Variants in KIF1B observed in about 807,000 individuals in gnomAD.
KIF1B encodes the protein kinesin-like protein KIF1B.
In KIF1B, 76 loss-of-function variants were observed where a neutral mutation model predicts 241.9. The ratio of observed to expected loss-of-function variants is 0.31; its 90% CI spans 0.26 to 0.38. KIF1B has a LOEUF of 0.38. KIF1B is among the 10% of genes least tolerant of loss of function. The pLI is 1.00. For missense variants in KIF1B, 1,622 were observed against 2,271.4 expected (o/e 0.71, Z 5.81); for synonymous variants, 750 against 796.7 (o/e 0.94, Z 0.99).
At chr1:10,371,653 A>C (rs1369607384) in intron 45 of KIF1B, among the ~76,000 whole-genome samples, 4 of 152,254 alleles carry the variant, frequency 2.6e-5, no homozygotes, top group Non-Finnish European at 5.9e-5. Flanking sequence ...GGTAAGAAAA[A>C]TAAAGACAAG....
At position 10,365,018 on chromosome 1, in the gene KIF1B, A is replaced by AG. The variant is rs932193647; in HGVS notation, c.4367-82_4367-81insG. On this transcript the variant is annotated intron_variant, in intron 41 of 48. Coordinates refer to ENST00000676179, the MANE Select transcript of KIF1B (RefSeq NM_001365951.3). The surrounding 1 kb of genome is among the most constrained non-coding windows in gnomAD (Gnocchi z 4.0). ...GAGACTCCATCTCAAAAAAAAAAAA[A>AG]AAAGAATTATTAATTCGTTTTGACC... 221 of 1,302,908 alleles carry AG rather than the reference A, an allele frequency of 1.7e-4. No homozygotes were observed. Among genetic ancestry groups the AG allele is most frequent in the Middle Eastern group, 2.4e-4 (1 of 4,092 alleles). 80.7% of individuals were successfully genotyped at this position (1,302,908 alleles called of 1,614,324 possible).
chr1:10,261,720 G>A (rs374039628), intron 4 of KIF1B, among the ~76,000 whole-genome samples, 185 bp from the exon 5 acceptor site: 1 of 152,102 alleles, frequency 6.6e-6, no homozygotes, highest in African/African-American at 2.4e-5. Flanking sequence ...ATCGTTGACC[G>A]AATCATGGTT....
chr1:10,334,491 G>A (rs1166094873), intron 27 of KIF1B, 29 bp from the exon 28 acceptor site: 1 of 1,504,996 alleles, frequency 6.6e-7, no homozygotes, highest in Non-Finnish European at 9.2e-7. Flanking sequence ...TGGATGTTCT[G>A]ACATTTGTCT....
intron 19 of KIF1B, among the ~76,000 whole-genome samples, chr1:10,296,267 A>G (rs981203523): frequency 2.6e-5 from 4 of 152,138 alleles, no homozygotes; most frequent in Admixed American, 1.3e-4. Flanking sequence ...CCTATATCTC[A>G]TCCTTACAAT....
chr1:10,306,242 G>A, intron 22 of KIF1B: 1 of 1,041,860 alleles, frequency 9.6e-7, no homozygotes, highest in Non-Finnish European at 1.2e-6. Flanking sequence ...AGGTTTTATA[G>A]CAGATTAGAC....
intron 44 of KIF1B, 102 bp downstream of exon 44, chr1:10,368,640 T>C: frequency 1.1e-6 from 1 of 930,766 alleles, no homozygotes; most frequent in Non-Finnish European, 1.8e-6. Context: ...TTAAGCAACT[T>C]GTCATGGGCA....
chr1:10,300,344 G>A (rs1170599810), intron 22 of KIF1B, among the ~76,000 whole-genome samples: 1 of 151,124 alleles, frequency 6.6e-6, no homozygotes, highest in Non-Finnish European at 1.5e-5. Context: ...ACAGTTTTTA[G>A]TATCACCATC....
chr1:10,253,226 G>T (rs1178553176), intron 2 of KIF1B, among the ~76,000 whole-genome samples: 2 of 152,120 alleles, frequency 1.3e-5, no homozygotes, highest in Non-Finnish European at 2.9e-5. Flanking sequence ...ATTGCATCCT[G>T]AATCTGCCAC....
In KIF1B at chr1:10,304,184, A is replaced by G. The variant is rs189274671; in HGVS notation, c.2115+6938A>G. 3.0e-4 allele frequency: 478 copies of G among 1,614,196 alleles called. 2 individuals carry two copies. In the South Asian group the frequency reaches 4.9e-3, roughly 16 times the overall value. On this transcript the variant is annotated intron_variant, in intron 22 of 48. Coordinates refer to ENST00000676179, the MANE Select transcript of KIF1B (RefSeq NM_001365951.3). The stretch of plus-strand genomic sequence containing the variant: ...AAAGACGATGAAGCAAGGAAAGGGA[A>G]TAAAGAAGAGAGCCAAGAAAAAGGG...
intron 15 of KIF1B, among the ~76,000 whole-genome samples, chr1:10,282,860 CGTGGTTTCATTGAA>C (rs1649481104): frequency 6.6e-6 from 1 of 151,302 alleles, no homozygotes; most frequent in South Asian, 2.1e-4. Flanking sequence ...TATTTGGAAA[CGTGGTTTCATTGAA>C]AGATGGAATT....
chr1:10,316,071 A>G (rs1651290934), intron 22 of KIF1B, among the ~76,000 whole-genome samples: 1 of 143,574 alleles, frequency 7.0e-6, no homozygotes, highest in African/African-American at 2.6e-5. Flanking sequence ...AAAAAAAAAA[A>G]AAAAGCTATG....
Position 10,323,993 on chromosome 1 carries a change from C to T in KIF1B, c.2468C>T (p.Thr823Ile), listed in dbSNP as rs901431074. 18 of 1,614,160 alleles carry T rather than the reference C, an allele frequency of 1.1e-5. No individual in the cohort carries two copies. Among genetic ancestry groups the T allele is most frequent in the East Asian group, 2.2e-5 (1 of 44,892 alleles). Residue 823 changes from threonine (T) to isoleucine (I), a missense_variant, in exon 25 of 49, where the codon ACA (threonine) becomes ATA (isoleucine). Physicochemically the swap from Thr to Ile is moderately conservative, Grantham distance 89. Transcript: ENST00000676179. ...KTHEDRPFPRTVVAVEVQDLK... is the reference protein window; with the variant it reads ...KTHEDRPFPRIVVAVEVQDLK... ...CATGAGGACAGGCCTTTCCCTCGCACAGTGGTAGCAGTAGAAGTCCAGGAT... is the reference window on the plus strand; with the variant it reads ...CATGAGGACAGGCCTTTCCCTCGCATAGTGGTAGCAGTAGAAGTCCAGGAT...
In KIF1B at chr1:10,379,939, G is replaced by A. The variant is rs567769024; in HGVS notation, c.*3352G>A. ...CCTGAGCCCCAGCTCGTTGTTAAAC[G>A]TGCTGACGGCAAGGGGCAATGGAGT... is the stretch of plus-strand genomic sequence containing the variant. On this transcript the variant is annotated 3_prime_UTR_variant, in exon 49 of 49. Coordinates refer to ENST00000676179, the MANE Select transcript of KIF1B (RefSeq NM_001365951.3). 2 of 229,424 alleles carry A rather than the reference G, an allele frequency of 8.7e-6. No individual in the cohort carries two copies. The allele number at this position is 229,424 out of a possible 1,614,324, so 14.2% of individuals were successfully genotyped here.
chr1:10,291,206 A>T, intron 16 of KIF1B, 45 bp downstream of exon 16: 1 of 1,235,110 alleles, frequency 8.1e-7, no homozygotes, highest in Non-Finnish European at 1.2e-6. Context: ...TTTCTAGGGG[A>T]TGTGGATTAC....
intron 38 of KIF1B, among the ~76,000 whole-genome samples, chr1:10,358,999 C>G (rs1638339786): frequency 6.6e-6 from 1 of 152,126 alleles, no homozygotes; most frequent in African/African-American, 2.4e-5. Flanking sequence ...CTCACTGCCT[C>G]AAAGACTAGA....
chr1:10,309,488 T>C (rs12737841), intron 22 of KIF1B, among the ~76,000 whole-genome samples: 3,207 of 147,550 alleles, frequency 0.022, 66 homozygotes, highest in Non-Finnish European at 0.032. Flanking sequence ...GGGTGTCATC[T>C]TGGGTGTGGA....
In KIF1B at chr1:10,256,241, T is replaced by C; in HGVS notation, c.107-6T>C. The C allele has an allele frequency of 6.4e-7, 1 of 1,573,190 alleles. No homozygotes were observed. The highest frequency in any genetic ancestry group is 8.8e-7 in the Non-Finnish European group (1 of 1,142,844). On this transcript the variant is annotated splice_polypyrimidine_tract_variant and splice_region_variant and intron_variant, in intron 2 of 48. Coordinates refer to ENST00000676179, the MANE Select transcript of KIF1B (RefSeq NM_001365951.3). ...ACTTATAAAATGAAACATTTTTATC[T>C]TCTAGGTATTATTAACCCAAAGAAT...
At chr1:10,319,845 A>G (rs995189862) in intron 22 of KIF1B, among the ~76,000 whole-genome samples, 198 bp from the exon 23 acceptor site, 19 of 152,126 alleles carry the variant, frequency 1.2e-4, no homozygotes, top group South Asian at 4.1e-4. Flanking sequence ...ACATTTACCC[A>G]TTACAGACCA....
At position 10,277,091 on chromosome 1, in the gene KIF1B, A is replaced by T. The variant is rs571393935; in HGVS notation, c.1037+692A>T. The stretch of plus-strand genomic sequence containing the variant: ...CGAGACTCCATCTCAAAAAAAAAAA[A>T]AAATAAATTCTGAAGTCATAATAAG... On this transcript the variant is annotated intron_variant, in intron 12 of 48. Coordinates refer to ENST00000676179, the MANE Select transcript of KIF1B (RefSeq NM_001365951.3). Among the ~76,000 whole-genome samples, 228 of 152,120 alleles carry T rather than the reference A, an allele frequency of 1.5e-3. 1 individual carries two copies. The highest frequency in any genetic ancestry group is 1.3e-3 in the Non-Finnish European group (88 of 67,986).
Sources: allele counts gnomAD v4.1 joint callset (sites outside exome capture counted in the v4.1 genomes callset), GRCh38; gene constraint gnomAD v4.1.1; non-coding constraint Gnocchi (gnomAD v3.1); transcripts MANE v1.5; gene names NCBI Gene and HGNC (gene_info 2026-07-23, HGNC 2026-07-21).